BTNL3: variants seen among roughly 807,000 people sequenced by gnomAD.
BTNL3 encodes the protein butyrophilin-like protein 3.
Under a neutral mutation model 40.1 loss-of-function variants are expected in BTNL3, and 20 were observed. The ratio of observed to expected loss-of-function variants is 0.50; its 90% confidence interval spans 0.35 to 0.72. The LOEUF (loss-of-function observed/expected upper bound fraction) is 0.72, where lower values mean the gene tolerates loss of function less well. Among genes scored for constraint, BTNL3 ranks in the 30% least tolerant of loss-of-function variants. The probability of loss-of-function intolerance (pLI) is 0.01; values close to 1 mark genes in which losing one functional copy is unlikely to be tolerated. For missense variants in BTNL3, 449 were observed against 582.2 expected (o/e 0.77, Z 2.35); for synonymous variants, 179 against 222.1 (o/e 0.81, Z 1.73).
In BTNL3 at chr5:180,991,886, T is replaced by C. The variant is rs546361024; in HGVS notation, c.50-927T>C. 1.9e-3 allele frequency among the ~76,000 whole-genome samples: 264 copies of C among 136,398 alleles called. 27 individuals are homozygous for C. The highest frequency in any genetic ancestry group is 6.4e-3 in the African/African-American group (252 of 39,646). The allele number at this position is 136,398 out of a possible 152,430, so 89.5% of individuals were successfully genotyped here. A position where few individuals can be genotyped will look rare whatever the true frequency, so the allele number is the denominator to read the frequency against. On this transcript the variant is annotated intron_variant, in intron 1 of 7. Transcript: ENST00000342868. ...AATCTTTTGCCTTCCCTGGGCCATA[T>C]TGAAAGAAGAACTAACACTAACGAT...
At position 181,005,666 on chromosome 5, in the gene BTNL3, C is replaced by A. The variant is rs7726607; in HGVS notation, c.1195C>A (p.Pro399Thr). The change falls in exon 8 of 8, where the codon CCC becomes ACC. Residue 399 changes from proline to threonine, a missense_variant. This residue lies in a region of BTNL3 where 126 missense variants were observed against 117.2 expected (regional missense o/e 1.07). Coordinates refer to ENST00000342868, the MANE Select transcript of BTNL3 (RefSeq NM_197975.3). The stretch of plus-strand genomic sequence containing the variant: ...ATTCAATCCCCATTTTATCAGCCTC[C>A]CCCCCAGCACCCCTCCTACACGAGT... The part of the protein sequence containing the change: ...FTFNPHFISL[P>T]PSTPPTRVGV... The A allele has an allele frequency of 1.4e-5, 22 of 1,613,876 alleles. No homozygotes were observed. The highest frequency in any genetic ancestry group is 1.8e-5 in the Non-Finnish European group (21 of 1,179,982).
chr5:181,000,141 A>G (rs962461065), intron 3 of BTNL3, among the ~76,000 whole-genome samples: 2 of 137,220 alleles, frequency 1.5e-5, no homozygotes, highest in African/African-American at 2.5e-5. Context: ...AAATCTTACC[A>G]AAAATTTTGC....
In BTNL3 at chr5:180,997,378, T is replaced by C. The variant is rs1175048841; in HGVS notation, c.563T>C (p.Leu188Pro). The stretch of plus-strand genomic sequence containing the variant: ...AGAGCAAATGCAGATGGGTACAGCC[T>C]GTATGATGTGGAGATCTCCATTATA... The part of the protein sequence containing the change: ...DSRANADGYS[L>P]YDVEISIIVQ... Residue 188 changes from leucine (L) to proline (P), a missense_variant, in exon 3 of 8, where the codon CTG (leucine) becomes CCG (proline). Transcript: ENST00000342868. The C allele has an allele frequency of 6.8e-7, 1 of 1,463,746 alleles. No homozygotes were observed. Among genetic ancestry groups the C allele is most frequent in the Non-Finnish European group, 9.4e-7 (1 of 1,059,116 alleles). The allele number at this position is 1,463,746 out of a possible 1,614,324, so 90.7% of individuals were successfully genotyped here. A position where few individuals can be genotyped will look rare whatever the true frequency, so the allele number is the denominator to read the frequency against.
Position 181,005,509 on chromosome 5 carries a change from C to T in BTNL3, c.1038C>T (p.Asp346=), listed in dbSNP as rs756709540. 2.4e-5 allele frequency: 39 copies of T among 1,613,960 alleles called. No homozygotes were observed. The highest frequency in any genetic ancestry group is 1.5e-4 in the Admixed American group (9 of 60,010). Residue 346 remains aspartate (D), a synonymous_variant, in exon 8 of 8, where the codon GAC becomes GAT. Transcript: ENST00000342868. ...FQAGKHYWEV[D]VGQNVGWYVG... is the part of the protein sequence containing the mutation. ...CAGGGAAACATTACTGGGAGGTGGA[C>T]GTGGGACAAAATGTAGGGTGGTATG...
At chr5:180,996,359 C>T (rs551652257) in intron 2 of BTNL3, among the ~76,000 whole-genome samples, 2 of 135,894 alleles carry the variant, frequency 1.5e-5, no homozygotes, top group East Asian at 2.2e-4. Flanking sequence ...CACTCTCCTC[C>T]GGAGTGTTCT....
chr5:180,989,908 C>A (rs1452144422), intron 1 of BTNL3, among the ~76,000 whole-genome samples: 1 of 136,684 alleles, frequency 7.3e-6, no homozygotes, highest in Non-Finnish European at 1.7e-5. Flanking sequence ...ACCTGTAATC[C>A]CAGCACTTTG....
chr5:181,003,747 G>T, intron 4 of BTNL3, 109 bp from the exon 5 acceptor site: 1 of 1,578,546 alleles, frequency 6.3e-7, no homozygotes, highest in East Asian at 2.2e-5. Context: ...CCTAGGAGAG[G>T]CCCTGCCCTT....
chr5:180,994,931 A>G (rs1354277940), intron 2 of BTNL3, among the ~76,000 whole-genome samples: 1 of 134,696 alleles, frequency 7.4e-6, no homozygotes, highest in African/African-American at 2.5e-5. Context: ...AACTACAGGC[A>G]CCTGCCACCA....
In BTNL3 at chr5:180,997,464, G is replaced by T; in HGVS notation, c.649G>T (p.Val217Leu). The change falls in exon 3 of 8, where the codon GTG (valine) becomes TTG (leucine). Residue 217 changes from valine to leucine, a missense_variant. By Grantham distance (32) the Val-to-Leu change is conservative. Around this residue, in one of 2 missense-constraint regions of BTNL3, gnomAD observed 323 missense variants for 464.9 expected, o/e 0.69. Transcript: ENST00000342868. The part of the protein sequence containing the change: ...SIHLAEQSHE[V>L]ESKVLIGETF... ...CCACCTTGCTGAGCAGAGTCATGAG[G>T]TGGAATCCAAGGTATTGATAGGAGG... is the stretch of plus-strand genomic sequence containing the variant. 1 of 1,463,740 alleles carries T rather than the reference G, an allele frequency of 6.8e-7. No homozygotes were observed. Among genetic ancestry groups the T allele is most frequent in the Non-Finnish European group, 9.4e-7 (1 of 1,059,124 alleles). The allele number at this position is 1,463,740 out of a possible 1,614,324, so 90.7% of individuals were successfully genotyped here.
rs1296588851 is a variant in BTNL3 at position 180,999,438 on chromosome 5, G to A, written c.673+1950G>A. ...CTAAAGATTTAGTAGAGATTTGTAA[G>A]ATAAACTGCTTTGAATAACTTTTTC... is the stretch of plus-strand genomic sequence containing the variant. On this transcript the variant is annotated intron_variant, in intron 3 of 7. Transcript: ENST00000342868. Among the ~76,000 whole-genome samples, 4 of 137,084 alleles carry A rather than the reference G, an allele frequency of 2.9e-5. No homozygotes were observed. The East Asian group carries it at 8.6e-4, about 29-fold the overall frequency. 89.9% of individuals were successfully genotyped at this position (137,084 alleles called of 152,430 possible).
At chr5:181,003,832 C>G (rs1440492292) in intron 4 of BTNL3, 24 bp from the exon 5 acceptor site, 12 of 1,614,070 alleles carry the variant, frequency 7.4e-6, no homozygotes, top group Non-Finnish European at 9.3e-6. Context: ...GTGTCCACCA[C>G]TGAATATACT....
In BTNL3 at chr5:181,000,439, A is replaced by C. The variant is rs1319617126; in HGVS notation, c.674-2233A>C. The stretch of plus-strand genomic sequence containing the variant: ...AGATATCTAAAGATACTTGCAGCAA[A>C]CATCATACAAAATAATAAGCCACCT... On this transcript the variant is annotated intron_variant, in intron 3 of 7. Transcript: ENST00000342868. 2.2e-5 allele frequency among the ~76,000 whole-genome samples: 3 copies of C among 137,248 alleles called. 1 individual carries two copies. The highest frequency in any genetic ancestry group is 5.0e-5 in the Non-Finnish European group (3 of 60,084). 90.0% of individuals were successfully genotyped at this position (137,248 alleles called of 152,430 possible).
intron 3 of BTNL3, among the ~76,000 whole-genome samples, chr5:181,001,910 TAA>T (rs1290854815): frequency 1.6e-5 from 2 of 122,414 alleles, no homozygotes; most frequent in African/African-American, 2.7e-5. Flanking sequence ...ACATTACCTT[TAA>T]AAAAAAAAAG....
chr5:180,997,483 T>C lies in BTNL3; in HGVS notation c.668T>C (p.Ile223Thr), dbSNP rs1031762532. The C allele has an allele frequency of 6.1e-6, 9 of 1,463,512 alleles. 3 individuals carry two copies. The highest frequency in any genetic ancestry group is 6.6e-6 in the Non-Finnish European group (7 of 1,058,992). 90.7% of individuals were successfully genotyped at this position (1,463,512 alleles called of 1,614,324 possible). ...CATGAGGTGGAATCCAAGGTATTGA[T>C]AGGAGGTGAGTGGGGAGAAGGAGGA... ...QSHEVESKVL[I>T]GETFFQPSPW... The change falls in exon 3 of 8, where the codon ATA becomes ACA. Residue 223 changes from isoleucine to threonine, a missense_variant. Transcript: ENST00000342868.
rs1353255393 is a variant in BTNL3, at chr5:180,989,544, A to G, written c.49+467A>G. ...CACATGCTGAGTTAGAAACACCTGTAGTTATGGGGTAGAGCACCAGACCTT... is the reference window on the plus strand; with the variant it reads ...CACATGCTGAGTTAGAAACACCTGTGGTTATGGGGTAGAGCACCAGACCTT... On this transcript the variant is annotated intron_variant, in intron 1 of 7. Transcript: ENST00000342868. 1.5e-5 allele frequency among the ~76,000 whole-genome samples: 2 copies of G among 136,796 alleles called. 1 individual carries two copies. The highest frequency in any genetic ancestry group is 5.0e-5 in the African/African-American group (2 of 39,708). 89.7% of individuals were successfully genotyped at this position (136,796 alleles called of 152,430 possible).
chr5:181,002,242 T>C (rs1272993589), intron 3 of BTNL3, among the ~76,000 whole-genome samples: 1 of 129,558 alleles, frequency 7.7e-6, no homozygotes, highest in African/African-American at 2.6e-5. Context: ...TGACCTTGCA[T>C]GTGTGGCAGT....
chr5:181,000,662 C>T lies in BTNL3; in HGVS notation c.674-2010C>T, dbSNP rs1323716195. Among the ~76,000 whole-genome samples, 5 of 129,472 alleles carry T rather than the reference C, an allele frequency of 3.9e-5. 1 individual carries two copies. The highest frequency in any genetic ancestry group is 5.3e-5 in the Non-Finnish European group (3 of 56,938). The allele number at this position is 129,472 out of a possible 152,430, so 84.9% of individuals were successfully genotyped here. Reference sequence around the variant, plus strand: ...TCTACTAAAAATACAAAAAATTAGCCGGGCGCGGTGGCGGGCGCCTGTAGT... The same window carrying T: ...TCTACTAAAAATACAAAAAATTAGCTGGGCGCGGTGGCGGGCGCCTGTAGT... On this transcript the variant is annotated intron_variant, in intron 3 of 7. Coordinates refer to ENST00000342868, the MANE Select transcript of BTNL3 (RefSeq NM_197975.3).
At chr5:181,005,020 G>C (rs1182850330) in intron 7 of BTNL3, among the ~76,000 whole-genome samples, 2 of 152,142 alleles carry the variant, frequency 1.3e-5, no homozygotes, top group African/African-American at 4.8e-5. Flanking sequence ...GTGCAAAGGG[G>C]AACTAAGTGA....
intron 3 of BTNL3, among the ~76,000 whole-genome samples, chr5:180,998,324 T>A (rs1760060284): frequency 7.4e-6 from 1 of 135,748 alleles, no homozygotes; most frequent in Admixed American, 7.8e-5. Context: ...AATATGAAAA[T>A]TTTAAATATA....
Sources: gnomAD v4.1 joint callset for allele counts (sites outside exome capture counted in the v4.1 genomes callset) on GRCh38, gnomAD v4.1.1 for gene constraint, gnomAD v4.1.1 regional missense constraint, MANE v1.5 for transcripts, NCBI Gene and HGNC (gene_info 2026-07-23, HGNC 2026-07-21) for gene names.